PHF2: variants seen among roughly 807,000 people sequenced by gnomAD.
PHF2 encodes the protein PHD finger protein 2.
A neutral mutation model predicts 120.5 loss-of-function variants in PHF2; 27 were observed. That is an observed-to-expected ratio of 0.22 (90% CI 0.17 to 0.31). The LOEUF (loss-of-function observed/expected upper bound fraction) is 0.31, where lower values mean the gene tolerates loss of function less well. Among genes scored for constraint, PHF2 ranks in the 10% least tolerant of loss-of-function variants. The probability of loss-of-function intolerance (pLI) is 1.00; values close to 1 mark genes in which losing one functional copy is unlikely to be tolerated. For missense variants in PHF2, 1,024 were observed against 1,434.8 expected (o/e 0.71, Z 4.63); for synonymous variants, 568 against 592.5 (o/e 0.96, Z 0.60).
chr9:93,578,524 C>G (rs549454837), intron 1 of PHF2, among the ~76,000 whole-genome samples: 6 of 152,334 alleles, frequency 3.9e-5, no homozygotes, highest in Admixed American at 3.9e-4. Flanking sequence ...ACCTGGCGAG[C>G]GCAGTCACTC....
intron 1 of PHF2, among the ~76,000 whole-genome samples, chr9:93,602,419 A>AT (rs1413168938): frequency 6.6e-6 from 1 of 151,616 alleles, no homozygotes; most frequent in African/African-American, 2.4e-5. Context: ...CGCCTGGCTA[A>AT]TTTTTTGTAA....
chr9:93,641,491 C>G (rs1826172019), intron 3 of PHF2, among the ~76,000 whole-genome samples: 1 of 152,204 alleles, frequency 6.6e-6, no homozygotes, highest in South Asian at 2.1e-4. Context: ...GCTCAATTCT[C>G]TGATGAATAT....
At chr9:93,591,656 C>T (rs1351344706) in intron 1 of PHF2, among the ~76,000 whole-genome samples, 2 of 152,224 alleles carry the variant, frequency 1.3e-5, no homozygotes, top group African/African-American at 4.8e-5. Flanking sequence ...CCTAGGAAGA[C>T]TCCAGACCCT....
At chr9:93,636,238 C>T (rs1216790100) in intron 2 of PHF2, among the ~76,000 whole-genome samples, 173 bp from the exon 3 acceptor site, 1 of 151,988 alleles carries the variant, frequency 6.6e-6, no homozygotes, top group South Asian at 2.1e-4. Context: ...GGGGTTGACT[C>T]CTCCCTATGT....
At chr9:93,675,171 G>A (rs1434697035) in intron 19 of PHF2, 149 bp downstream of exon 19, 5 of 653,094 alleles carry the variant, frequency 7.7e-6, no homozygotes, top group African/African-American at 1.8e-5. Flanking sequence ...GCTGGGGTTG[G>A]TCAGCTGCTT....
chr9:93,659,463 G>A (rs1463401490), intron 10 of PHF2, 48 bp from the exon 11 acceptor site: 2 of 1,502,716 alleles, frequency 1.3e-6, no homozygotes, highest in Admixed American at 3.3e-5. Context: ...GGTAAGTCAG[G>A]ACCACGGGAG....
chr9:93,598,915 T>A (rs1356761652), intron 1 of PHF2, among the ~76,000 whole-genome samples: 1 of 152,230 alleles, frequency 6.6e-6, no homozygotes, highest in African/African-American at 2.4e-5. Context: ...CACACCGTTA[T>A]GGGCTTCCCA....
chr9:93,597,974 G>T (rs1342384032), intron 1 of PHF2, among the ~76,000 whole-genome samples: 2 of 152,174 alleles, frequency 1.3e-5, no homozygotes, highest in African/African-American at 4.8e-5. Flanking sequence ...ATGGGCAGGG[G>T]TCCTCAGGTC....
chr9:93,647,746 C>T (rs987641570), intron 4 of PHF2, among the ~76,000 whole-genome samples: 14 of 152,116 alleles, frequency 9.2e-5, no homozygotes, highest in African/African-American at 2.7e-4. Context: ...AGAAATTAGC[C>T]AGGTGTGGTG....
intron 1 of PHF2, among the ~76,000 whole-genome samples, chr9:93,618,504 G>A (rs1338177855): frequency 6.6e-6 from 1 of 152,232 alleles, no homozygotes; most frequent in East Asian, 1.9e-4. Flanking sequence ...ATACATGCAT[G>A]TGCATAGATA....
intron 1 of PHF2, among the ~76,000 whole-genome samples, chr9:93,587,140 CA>C (rs1390659061): frequency 6.6e-6 from 1 of 152,184 alleles, no homozygotes; most frequent in African/African-American, 2.4e-5. Flanking sequence ...GGAGAGAGGC[CA>C]GAGACTAGTT....
intron 3 of PHF2, among the ~76,000 whole-genome samples, chr9:93,645,156 G>T (rs1256263676): frequency 1.3e-5 from 2 of 152,224 alleles, no homozygotes; most frequent in Non-Finnish European, 2.9e-5. Flanking sequence ...CAATATCAGA[G>T]CCATCTTAGT....
intron 1 of PHF2, among the ~76,000 whole-genome samples, chr9:93,581,284 G>A (rs1411243708): frequency 1.3e-5 from 2 of 152,168 alleles, no homozygotes; most frequent in African/African-American, 2.4e-5. Context: ...CTGTGGCCTC[G>A]CGCTGCAGGC....
At chr9:93,664,115 C>G (rs1200630682) in intron 14 of PHF2, among the ~76,000 whole-genome samples, 2 of 152,212 alleles carry the variant, frequency 1.3e-5, no homozygotes, top group Non-Finnish European at 2.9e-5. Context: ...CTCTTGTGAG[C>G]TGGTGCTGAG....
At chr9:93,649,271 T>A in intron 5 of PHF2, 59 bp downstream of exon 5, 1 of 1,434,942 alleles carries the variant, frequency 7.0e-7, no homozygotes, top group South Asian at 1.2e-5. Context: ...CGCTGTGCCG[T>A]CCTTGGTAGT....
At chr9:93,605,668 C>A (rs114765802) in intron 1 of PHF2, among the ~76,000 whole-genome samples, 3,536 of 152,254 alleles carry the variant, frequency 0.023, 70 homozygotes, top group Middle Eastern at 0.038. Context: ...CGTAGTATGT[C>A]GGCTTTTCAC....
At chr9:93,589,911 G>A (rs1175432181) in intron 1 of PHF2, among the ~76,000 whole-genome samples, 1 of 152,172 alleles carries the variant, frequency 6.6e-6, no homozygotes, top group Non-Finnish European at 1.5e-5. Flanking sequence ...CGTCACTCTT[G>A]ACTGCTGGGG....
chr9:93,667,565 CAG>C (rs377263625), intron 17 of PHF2, among the ~76,000 whole-genome samples: 2,624 of 152,208 alleles, frequency 0.017, 35 homozygotes, highest in Middle Eastern at 0.044. Flanking sequence ...ACGGGTAACT[CAG>C]GGGGCAGAGG....
At chr9:93,642,604 T>C (rs1433631002) in intron 3 of PHF2, among the ~76,000 whole-genome samples, 1 of 152,254 alleles carries the variant, frequency 6.6e-6, no homozygotes, top group South Asian at 2.1e-4. Context: ...TAATGAGATA[T>C]CTGTTGTTAG....
Sources: allele counts gnomAD v4.1 joint callset (sites outside exome capture counted in the v4.1 genomes callset), GRCh38; gene constraint gnomAD v4.1.1; transcripts MANE v1.5; gene names NCBI Gene and HGNC (gene_info 2026-07-23, HGNC 2026-07-21).